The following GRIK2 variants were observed in gnomAD, a reference collection of about 807,000 sequenced individuals.
The protein encoded by GRIK2 is glutamate ionotropic receptor kainate type subunit 2, also known as glutamate receptor ionotropic, kainate 2.
In GRIK2, 32 loss-of-function variants were observed where a neutral mutation model predicts 100.3. The observed-to-expected ratio is 0.32, with a 90% CI of 0.24 to 0.43. GRIK2 has a LOEUF of 0.43. GRIK2 is among the 20% of genes least tolerant of loss of function. The probability of loss-of-function intolerance (pLI) is 1.00; values close to 1 mark genes in which losing one functional copy is unlikely to be tolerated. For missense variants in GRIK2, 843 were observed against 1,114.9 expected, an observed-to-expected ratio of 0.76 and a Z score of 3.47; for synonymous variants, 417 against 389.4, an observed-to-expected ratio of 1.07 and a Z score of -0.83.
At chr6:101,673,795 A>T (rs1770616024) in intron 4 of GRIK2, among the ~76,000 whole-genome samples, 1 of 151,990 alleles carries the variant, frequency 6.6e-6, no homozygotes, top group Non-Finnish European at 1.5e-5. Flanking sequence ...GCTTAATATC[A>T]TTTTCCCCTG....
intron 12 of GRIK2, among the ~76,000 whole-genome samples, chr6:101,906,579 A>G (rs1562479001): frequency 6.6e-6 from 1 of 151,710 alleles, no homozygotes; most frequent in Non-Finnish European, 1.5e-5. Flanking sequence ...ACCAGATGCT[A>G]TTCAATTAGT....
At chr6:101,809,604 A>AC (rs1170798205) in intron 9 of GRIK2, among the ~76,000 whole-genome samples, 21 of 151,968 alleles carry the variant, frequency 1.4e-4, no homozygotes, top group Non-Finnish European at 2.6e-4. Context: ...GGCAACAGTG[A>AC]CCCCCAACTT....
At chr6:101,897,115 TG>T (rs1337946428) in intron 12 of GRIK2, among the ~76,000 whole-genome samples, 1 of 151,442 alleles carries the variant, frequency 6.6e-6, no homozygotes, top group African/African-American at 2.4e-5. Flanking sequence ...TGGAGTGTAG[TG>T]GGTTCTTTGG....
intron 7 of GRIK2, among the ~76,000 whole-genome samples, chr6:101,699,063 G>C (rs1272225897): frequency 6.6e-6 from 1 of 152,070 alleles, no homozygotes; most frequent in East Asian, 1.9e-4. Flanking sequence ...AGGTTTCATT[G>C]TAAGATGCTC....
At chr6:101,487,325 G>A (rs986433251) in intron 2 of GRIK2, among the ~76,000 whole-genome samples, 3 of 146,058 alleles carry the variant, frequency 2.1e-5, no homozygotes, top group South Asian at 2.2e-4. Context: ...ATTCTAGGAC[G>A]GCTGCTTCTC....
At chr6:101,781,067 A>G (rs540557732) in intron 7 of GRIK2, among the ~76,000 whole-genome samples, 74 of 152,120 alleles carry the variant, frequency 4.9e-4, no homozygotes, top group African/African-American at 1.7e-3. Context: ...TCTTTTTGTA[A>G]TCTAATTTGT....
chr6:101,438,800 A>G (rs2128245421), intron 2 of GRIK2, among the ~76,000 whole-genome samples: 1 of 152,254 alleles, frequency 6.6e-6, no homozygotes, highest in Non-Finnish European at 1.5e-5. Flanking sequence ...GGGATTTAAG[A>G]GCCATTGCCA....
intron 2 of GRIK2, among the ~76,000 whole-genome samples, chr6:101,402,997 T>C (rs1775406853): frequency 6.6e-6 from 1 of 152,176 alleles, no homozygotes; most frequent in Non-Finnish European, 1.5e-5. Flanking sequence ...TAGCCGGTCC[T>C]TCTCTTCCGG....
chr6:101,709,798 T>C (rs2128358317), intron 7 of GRIK2, among the ~76,000 whole-genome samples: 1 of 151,856 alleles, frequency 6.6e-6, no homozygotes, highest in African/African-American at 2.4e-5. Flanking sequence ...TATGTTTCTA[T>C]TTTCTGGCTA....
intron 12 of GRIK2, among the ~76,000 whole-genome samples, chr6:101,900,489 G>T (rs1386872450): frequency 6.6e-6 from 1 of 151,988 alleles, no homozygotes; most frequent in Non-Finnish European, 1.5e-5. Context: ...TATTTATTTT[G>T]ATATTTTAGT....
At chr6:101,763,171 C>A (rs769429050) in intron 7 of GRIK2, among the ~76,000 whole-genome samples, 5 of 152,166 alleles carry the variant, frequency 3.3e-5, no homozygotes, top group Non-Finnish European at 7.4e-5. Flanking sequence ...AGGGTCTTGG[C>A]AGAAAATCAA....
intron 2 of GRIK2, among the ~76,000 whole-genome samples, chr6:101,537,765 C>T (rs193090112): frequency 6.6e-6 from 1 of 151,804 alleles, no homozygotes; most frequent in Non-Finnish European, 1.5e-5. Context: ...GAGAGGAATT[C>T]TAAGACTCCT....
At chr6:102,048,512 A>C (rs1286427234) in intron 15 of GRIK2, among the ~76,000 whole-genome samples, 1 of 152,150 alleles carries the variant, frequency 6.6e-6, no homozygotes, top group East Asian at 1.9e-4. Context: ...ACTGAATAGC[A>C]AGAAAAAATT....
intron 2 of GRIK2, among the ~76,000 whole-genome samples, chr6:101,453,708 T>C (rs2128250038): frequency 6.6e-6 from 1 of 152,148 alleles, no homozygotes. Flanking sequence ...GAAATGTCAA[T>C]TGGAAATGAC....
At chr6:101,510,510 G>GTTTT (rs142391999) in intron 2 of GRIK2, among the ~76,000 whole-genome samples, 14 of 94,366 alleles carry the variant, frequency 1.5e-4, no homozygotes, top group Non-Finnish European at 1.6e-4. Context: ...CAGTTGGGGA[G>GTTTT]TTTTTTTTTT....
chr6:101,811,948 ATATACT>A (rs1463318000), intron 9 of GRIK2, among the ~76,000 whole-genome samples: 1 of 151,612 alleles, frequency 6.6e-6, no homozygotes, highest in Non-Finnish European at 1.5e-5. Flanking sequence ...CAAAGAGAAA[ATATACT>A]TATAAAACAA....
intron 11 of GRIK2, among the ~76,000 whole-genome samples, chr6:101,885,989 A>C (rs1307008264): frequency 6.6e-6 from 1 of 152,130 alleles, no homozygotes; most frequent in South Asian, 2.1e-4. Flanking sequence ...TGATAAATGC[A>C]TAATGTGTAT....
intron 2 of GRIK2, among the ~76,000 whole-genome samples, chr6:101,448,598 T>G (rs1052564981): frequency 2.0e-5 from 3 of 151,602 alleles, no homozygotes; most frequent in African/African-American, 7.2e-5. Flanking sequence ...GTCATATATA[T>G]GGAATTCTAA....
chr6:101,621,025 G>A (rs1780130738), intron 2 of GRIK2, among the ~76,000 whole-genome samples: 1 of 152,192 alleles, frequency 6.6e-6, no homozygotes, highest in Non-Finnish European at 1.5e-5. Flanking sequence ...GATTAAAGGA[G>A]TTGCATTGTT....
Sources: gnomAD v4.1 joint callset for allele counts (sites outside exome capture counted in the v4.1 genomes callset) on GRCh38, gnomAD v4.1.1 for gene constraint, MANE v1.5 for transcripts, NCBI Gene and HGNC (gene_info 2026-07-23, HGNC 2026-07-21) for gene names.